The following HOXD3 variants were observed in gnomAD, a reference collection of about 807,000 sequenced individuals.
HOXD3 encodes homeobox protein Hox-D3.
HOXD3 carries 13 observed loss-of-function variants against 32.8 expected under a neutral mutation model. The ratio of observed to expected loss-of-function variants is 0.40; its 90% CI spans 0.26 to 0.63. The LOEUF is 0.63. Among genes scored for constraint, HOXD3 ranks in the 20% least tolerant of loss-of-function variants. The pLI is 0.44. For synonymous variants in HOXD3, 241 were observed against 246.8 expected, an observed-to-expected ratio of 0.98 and a Z score of 0.22; for missense variants, 504 against 577.1, an observed-to-expected ratio of 0.87 and a Z score of 1.30.
At chr2:176,153,948 G>T (rs1244883633), upstream of HOXD3, among the ~76,000 whole-genome samples, 2 of 151,992 alleles carry the variant, frequency 1.3e-5, no homozygotes, top group Non-Finnish European at 2.9e-5. Flanking sequence ...GATTCCAAAT[G>T]CCCTAAATAC....
chr2:176,154,273 A>G (rs577738017), upstream of HOXD3, among the ~76,000 whole-genome samples: 3 of 152,310 alleles, frequency 2.0e-5, no homozygotes, highest in East Asian at 5.8e-4. Context: ...CACTCTCAAC[A>G]GGGGAGATGT....
At chr2:176,162,082 G>C (rs145330714) in intron 1 of HOXD3, among the ~76,000 whole-genome samples, 79 of 152,326 alleles carry the variant, frequency 5.2e-4, no homozygotes, top group African/African-American at 1.7e-3. Context: ...GCTTAGGTTG[G>C]GACAGGCCCT....
In HOXD3 at chr2:176,171,972, G is replaced by C. The variant is rs1691205490; in HGVS notation, c.997G>C (p.Glu333Gln). 2 of 1,610,554 alleles carry C rather than the reference G, an allele frequency of 1.2e-6. No individual in the cohort carries two copies. The highest frequency in any genetic ancestry group is 2.7e-5 in the African/African-American group (2 of 74,930). ...ACAACAGAAGCGCTACGCAGCGCCG[G>C]AGTTCGAGCCCCATCCCATGGCGAG... ...LPQQKRYAAP[E>Q]FEPHPMASNG... The change falls in exon 4 of 4, where the codon GAG becomes CAG. Residue 333 changes from glutamate to glutamine, a missense_variant. By Grantham distance (29) the Glu-to-Gln change is conservative. Transcript: ENST00000683222.
At chr2:176,170,477 T>G (rs1691134004) in intron 3 of HOXD3, among the ~76,000 whole-genome samples, 1 of 152,214 alleles carries the variant, frequency 6.6e-6, no homozygotes, top group Non-Finnish European at 1.5e-5. Context: ...CCAGGAACTC[T>G]GAGGGCTGTT....
chr2:176,170,663 A>G lies in HOXD3; in HGVS notation c.542-854A>G, dbSNP rs1156720533. On this transcript the variant is annotated intron_variant, in intron 3 of 3. Transcript: ENST00000683222. ...GATGTTTTCTGGGGCTGCTGCTCCT[A>G]GGGAGAGGGTATTATCCTGCCTGCA... Among the ~76,000 whole-genome samples, 3 of 152,108 alleles carry G rather than the reference A, an allele frequency of 2.0e-5. No homozygotes were observed. The East Asian group carries it at 5.8e-4, about 29-fold the overall frequency.
chr2:176,155,958 A>G (rs1192841980), upstream of HOXD3, among the ~76,000 whole-genome samples: 10 of 152,180 alleles, frequency 6.6e-5, no homozygotes, highest in African/African-American at 2.4e-5. Context: ...TGCTTTTTTA[A>G]TAGAATTGAC....
At position 176,172,455 on chromosome 2, in the gene HOXD3, G is replaced by T. The variant is rs112414246; in HGVS notation, c.*181G>T. 1.7e-6 allele frequency: 1 copy of T among 594,298 alleles called. No homozygotes were observed. Among genetic ancestry groups the T allele is most frequent in the Middle Eastern group, 4.5e-4 (1 of 2,242 alleles). 36.8% of individuals were successfully genotyped at this position (594,298 alleles called of 1,614,324 possible). ...GCGACCGGGCCTCCCCTCCATGGGC[G>T]TCCTTTGGGTGACTCGCCATAAATC... is the stretch of plus-strand genomic sequence containing the variant. On this transcript the variant is annotated 3_prime_UTR_variant, in exon 4 of 4. Coordinates refer to ENST00000683222, the MANE Select transcript of HOXD3 (RefSeq NM_006898.5).
rs905235517 is a variant in HOXD3 at position 176,169,489 on chromosome 2, C to G, written c.375C>G (p.Thr125=). The change falls in exon 3 of 4, where the codon ACC becomes ACG. Residue 125 remains threonine, a synonymous_variant. Transcript: ENST00000683222. The stretch of plus-strand genomic sequence containing the variant: ...CACAACCCCCTCCTCCACCACCGAC[C>G]CTGCCCCCATCTTCACCCACCAATC... ...QPPQPPPPPP[T]LPPSSPTNPG... 4 of 1,613,800 alleles carry G rather than the reference C, an allele frequency of 2.5e-6. No individual in the cohort carries two copies. Among genetic ancestry groups the G allele is most frequent in the Non-Finnish European group, 3.4e-6 (4 of 1,179,904 alleles).
rs778157379 is a variant in HOXD3 at position 176,169,694 on chromosome 2, C to T, written c.541+39C>T. ...GTGGCCTACTGCCAGACCAAGCCCC[C>T]TCCAGATTGACCCAAGGAAGCCTAG... On this transcript the variant is annotated intron_variant, in intron 3 of 3. Coordinates refer to ENST00000683222, the MANE Select transcript of HOXD3 (RefSeq NM_006898.5). 5.2e-6 allele frequency: 8 copies of T among 1,537,522 alleles called. No individual in the cohort carries two copies. In the East Asian group the frequency reaches 1.8e-4, roughly 35 times the overall value.
At position 176,172,367 on chromosome 2, in the gene HOXD3, C is replaced by T. The variant is rs1163433619; in HGVS notation, c.*93C>T. The T allele has an allele frequency of 2.3e-6, 3 of 1,279,072 alleles. No individual in the cohort carries two copies. Among genetic ancestry groups the T allele is most frequent in the African/African-American group, 1.5e-5 (1 of 66,688 alleles). The allele number at this position is 1,279,072 out of a possible 1,614,324, so 79.2% of individuals were successfully genotyped here. A position where few individuals can be genotyped will look rare whatever the true frequency, so the allele number is the denominator to read the frequency against. ...GGCCCGCGGGGCAGTTCGGGAACCC[C>T]CTTCCCCGCTCTTGCCCTGCCGCCG... On this transcript the variant is annotated 3_prime_UTR_variant, in exon 4 of 4. Coordinates refer to ENST00000683222, the MANE Select transcript of HOXD3 (RefSeq NM_006898.5).
At chr2:176,163,740 T>A (rs1047662953) in intron 1 of HOXD3, among the ~76,000 whole-genome samples, 7 of 152,146 alleles carry the variant, frequency 4.6e-5, no homozygotes, top group African/African-American at 1.7e-4. Context: ...GATTGGGACC[T>A]GGAGGAGCAT....
Position 176,171,390 on chromosome 2 carries a change from C to A in HOXD3, c.542-127C>A. On this transcript the variant is annotated intron_variant, in intron 3 of 3. Transcript: ENST00000683222. ...AATCATACCTCTCAAACGGCCCTTC[C>A]CCTCCCCAGCCAGGATTGGAGGTGG... 2.2e-6 allele frequency: 2 copies of A among 902,000 alleles called. 1 individual carries two copies. Among genetic ancestry groups the A allele is most frequent in the Non-Finnish European group, 3.3e-6 (2 of 614,582 alleles). 55.9% of individuals were successfully genotyped at this position (902,000 alleles called of 1,614,324 possible).
chr2:176,163,389 G>T (rs1001558569), intron 1 of HOXD3, among the ~76,000 whole-genome samples: 4 of 151,310 alleles, frequency 2.6e-5, no homozygotes, highest in Non-Finnish European at 5.9e-5. Context: ...GGGGAGCTTG[G>T]TCTGTGGCTT....
At chr2:176,167,317 T>A (rs1231275440) in intron 2 of HOXD3, among the ~76,000 whole-genome samples, 1 of 152,176 alleles carries the variant, frequency 6.6e-6, no homozygotes, top group African/African-American at 2.4e-5. Flanking sequence ...TAATATCTAT[T>A]TATACAATAG....
intron 3 of HOXD3, 98 bp from the exon 4 acceptor site, chr2:176,171,419 G>C: frequency 9.1e-7 from 1 of 1,102,426 alleles, no homozygotes; most frequent in Non-Finnish European, 1.3e-6. Flanking sequence ...GAGGTGGGGG[G>C]AGGGAGGAGG....
At chr2:176,158,735 T>C (rs1690705553) in intron 1 of HOXD3, among the ~76,000 whole-genome samples, 1 of 152,204 alleles carries the variant, frequency 6.6e-6, no homozygotes, top group African/African-American at 2.4e-5. Context: ...GTTTATGTGC[T>C]TTGCGAGTGA....
intron 3 of HOXD3, among the ~76,000 whole-genome samples, chr2:176,170,348 T>C (rs2105453488): frequency 6.6e-6 from 1 of 152,258 alleles, no homozygotes; most frequent in Non-Finnish European, 1.5e-5. Context: ...GTGCCTGTCC[T>C]AGTAGGAGAG....
intron 2 of HOXD3, chr2:176,165,770 G>A (rs991155010): frequency 6.6e-6 from 1 of 152,072 alleles, no homozygotes; most frequent in Non-Finnish European, 1.5e-5. Context: ...CAAGACATTT[G>A]GGTCTTGGAG....
chr2:176,152,599 G>A, upstream of HOXD3: 1 of 1,612,818 alleles, frequency 6.2e-7, no homozygotes, highest in African/African-American at 1.3e-5. This position sits in a 1 kb window ranked among gnomAD's most constrained non-coding sequence, Gnocchi z 5.2. Context: ...TGTCTGTTTT[G>A]TCTCGCAGTG....
Sources: gnomAD v4.1 joint callset for allele counts (sites outside exome capture counted in the v4.1 genomes callset) on GRCh38, gnomAD v4.1.1 for gene constraint, Gnocchi (gnomAD v3.1) non-coding constraint, MANE v1.5 for transcripts, NCBI Gene and HGNC (gene_info 2026-07-23, HGNC 2026-07-21) for gene names.